The following THAP12 variants were observed in gnomAD, a reference collection of about 807,000 sequenced individuals.
THAP12 encodes 52 kDa repressor of the inhibitor of the protein kinase.
A neutral mutation model predicts 63.0 loss-of-function variants in THAP12; 20 were observed. The observed-to-expected ratio is 0.32, with a 90% CI of 0.22 to 0.46. The LOEUF (loss-of-function observed/expected upper bound fraction) is 0.46, where lower values mean the gene tolerates loss of function less well. Ranked by LOEUF, THAP12 falls within the 20% of genes least tolerant of loss-of-function variation. The pLI is 1.00. For synonymous variants in THAP12, 264 were observed against 328.4 expected (o/e 0.80, Z 2.12); for missense variants, 568 against 908.2 (o/e 0.63, Z 4.81).
intron 1 of THAP12, among the ~76,000 whole-genome samples, chr11:76,375,714 A>G (rs1348018717): frequency 1.7e-5 from 2 of 118,098 alleles, no homozygotes; most frequent in African/African-American, 3.3e-5. Context: ...CCTTTTATCA[A>G]CCTTCCCTAC....
At chr11:76,377,680 T>C (rs949761537) in intron 1 of THAP12, among the ~76,000 whole-genome samples, 1 of 152,246 alleles carries the variant, frequency 6.6e-6, no homozygotes, top group Non-Finnish European at 1.5e-5. Context: ...TTTTGACTAT[T>C]GCGAATAGTG....
chr11:76,377,773 G>A (rs575953994), intron 1 of THAP12, among the ~76,000 whole-genome samples: 2 of 152,258 alleles, frequency 1.3e-5, no homozygotes, highest in South Asian at 4.1e-4. Flanking sequence ...GGAATTGCTG[G>A]GACACACAGT....
intron 1 of THAP12, among the ~76,000 whole-genome samples, chr11:76,374,322 C>A (rs969010864): frequency 6.0e-5 from 9 of 148,812 alleles, no homozygotes; most frequent in Non-Finnish European, 8.9e-5. Context: ...ATAAATTGGT[C>A]ATTTGGAAAA....
Position 76,380,950 on chromosome 11 carries a change from C to G in THAP12, c.-114G>C, listed in dbSNP as rs1287814705. On this transcript the variant is annotated 5_prime_UTR_variant, in exon 1 of 5. Transcript: ENST00000260045. Reference sequence around the variant, plus strand: ...GGCCGGCCGGCCGGCTCGGCAGGGCCGACGCGCGGGGGAGGGGCGGGCGGG... The same window carrying G: ...GGCCGGCCGGCCGGCTCGGCAGGGCGGACGCGCGGGGGAGGGGCGGGCGGG... 1.7e-5 allele frequency: 9 copies of G among 530,424 alleles called. No homozygotes were observed. In the East Asian group the frequency reaches 2.2e-4, roughly 13 times the overall value. The allele number at this position is 530,424 out of a possible 1,614,324, so 32.9% of individuals were successfully genotyped here. A position where few individuals can be genotyped will look rare whatever the true frequency, so the allele number is the denominator to read the frequency against.
chr11:76,370,830 G>GAAAAAAAAAAAAAAAAAA, intron 1 of THAP12, among the ~76,000 whole-genome samples: 1 of 135,542 alleles, frequency 7.4e-6, no homozygotes, highest in Non-Finnish European at 1.6e-5. Context: ...CAAAAAAAAA[G>GAAAAAAAAAAAAAAAAAA]AAAAAAAAAA....
chr11:76,365,463 C>T (rs1325019228), intron 2 of THAP12, among the ~76,000 whole-genome samples: 1 of 152,028 alleles, frequency 6.6e-6, no homozygotes, highest in Non-Finnish European at 1.5e-5. Flanking sequence ...CAACTCTCTG[C>T]AGCCCCGACG....
At position 76,355,628 on chromosome 11, in the gene THAP12, T is replaced by C; in HGVS notation, c.345A>G (p.Lys115=). The C allele has an allele frequency of 6.3e-7, 1 of 1,597,094 alleles. No homozygotes were observed. Among genetic ancestry groups the C allele is most frequent in the South Asian group, 1.2e-5 (1 of 86,786 alleles). The stretch of plus-strand genomic sequence containing the variant: ...AACACTATCACTTACTTTTTTTCTG[T>C]TTCAGTGTCCTGATTTCATCTTCAC... ...ELSEDEIRTL[K]QKKIDETSEQ... Residue 115 remains lysine, a synonymous_variant, in exon 4 of 5, where the codon AAA becomes AAG. Transcript: ENST00000260045.
chr11:76,370,355 A>G (rs549384725), intron 1 of THAP12, among the ~76,000 whole-genome samples: 3 of 144,152 alleles, frequency 2.1e-5, no homozygotes, highest in African/African-American at 7.3e-5. Context: ...TCTTCTGTGC[A>G]TATGTTTTTT....
chr11:76,375,615 G>T (rs1946703751), intron 1 of THAP12, among the ~76,000 whole-genome samples: 1 of 151,812 alleles, frequency 6.6e-6, no homozygotes, highest in African/African-American at 2.4e-5. Context: ...CTGATGACTG[G>T]GAAATGTACT....
rs1263463095 is a variant in THAP12, at chr11:76,381,005, C to T, written c.-169G>A. ...AAGCCGCGAGGGCCAGGAGGGGTGCCGCGGTCCGAGGCCGGGCTGGGGACG... is the reference window on the plus strand; with the variant it reads ...AAGCCGCGAGGGCCAGGAGGGGTGCTGCGGTCCGAGGCCGGGCTGGGGACG... On this transcript the variant is annotated 5_prime_UTR_variant, in exon 1 of 5. Transcript: ENST00000260045. 7.4e-6 allele frequency: 2 copies of T among 268,950 alleles called. No individual in the cohort carries two copies. Among genetic ancestry groups the T allele is most frequent in the Admixed American group, 5.5e-5 (1 of 18,072 alleles). 16.7% of individuals were successfully genotyped at this position (268,950 alleles called of 1,614,324 possible).
At chr11:76,378,136 C>T (rs1214905520) in intron 1 of THAP12, among the ~76,000 whole-genome samples, 1 of 152,088 alleles carries the variant, frequency 6.6e-6, no homozygotes, top group African/African-American at 2.4e-5. Context: ...AATGTGGTGC[C>T]AGCCAAGCAC....
intron 4 of THAP12, among the ~76,000 whole-genome samples, chr11:76,355,070 A>C (rs1946552091): frequency 6.6e-6 from 1 of 152,258 alleles, no homozygotes; most frequent in Non-Finnish European, 1.5e-5. Flanking sequence ...TAATAATAAC[A>C]GCAATAGGAG....
intron 2 of THAP12, among the ~76,000 whole-genome samples, chr11:76,364,689 C>T (rs1236808521): frequency 6.6e-6 from 1 of 152,188 alleles, no homozygotes; most frequent in Non-Finnish European, 1.5e-5. Context: ...GGGGAAGTGA[C>T]TTGGCCAAGC....
chr11:76,362,073 C>T (rs146499494), intron 2 of THAP12, among the ~76,000 whole-genome samples: 318 of 152,278 alleles, frequency 2.1e-3, no homozygotes, highest in African/African-American at 6.7e-3. Flanking sequence ...TAGATGGTAA[C>T]GGTCCTACTG....
intron 1 of THAP12, among the ~76,000 whole-genome samples, chr11:76,379,585 C>T (rs1946735806): frequency 1.3e-5 from 2 of 152,222 alleles, no homozygotes; most frequent in East Asian, 1.9e-4. Flanking sequence ...GGCCCCTTCA[C>T]CTGGTCTTTG....
chr11:76,364,058 G>A (rs901858536), intron 2 of THAP12, among the ~76,000 whole-genome samples: 7 of 152,222 alleles, frequency 4.6e-5, no homozygotes, highest in Admixed American at 1.3e-4. Flanking sequence ...ACTAAAGAAT[G>A]TAAGAATGAA....
chr11:76,370,010 C>T (rs1045962875), intron 1 of THAP12, among the ~76,000 whole-genome samples: 15 of 152,178 alleles, frequency 9.9e-5, no homozygotes, highest in African/African-American at 1.7e-4. Context: ...GGTCTGGCTC[C>T]GCCTCAACAC....
At chr11:76,354,004 G>A (rs974759999) in intron 4 of THAP12, among the ~76,000 whole-genome samples, 15 of 152,182 alleles carry the variant, frequency 9.9e-5, no homozygotes, top group African/African-American at 3.1e-4. Flanking sequence ...GTGAGACTCC[G>A]TCTCAAAAAG....
At position 76,365,976 on chromosome 11, in the gene THAP12, T is replaced by G; in HGVS notation, c.90-4A>C. ...GTTCTCCACCCACTTCTGGCATCTA[T>G]AAATAAAACCAAAATACAATTATGA... On this transcript the variant is annotated splice_polypyrimidine_tract_variant and splice_region_variant and intron_variant, in intron 1 of 4. Coordinates refer to ENST00000260045, the MANE Select transcript of THAP12 (RefSeq NM_004705.4). 6.2e-7 allele frequency: 1 copy of G among 1,609,384 alleles called. No individual in the cohort carries two copies. Among genetic ancestry groups the G allele is most frequent in the Non-Finnish European group, 8.5e-7 (1 of 1,178,846 alleles).
Sources: allele counts gnomAD v4.1 joint callset (sites outside exome capture counted in the v4.1 genomes callset), GRCh38; gene constraint gnomAD v4.1.1; transcripts MANE v1.5; gene names NCBI Gene and HGNC (gene_info 2026-07-23, HGNC 2026-07-21).